The following MYO6 variants were observed in gnomAD, a reference collection of about 807,000 sequenced individuals.
MYO6 encodes unconventional myosin-VI.
A neutral mutation model predicts 178.7 loss-of-function variants in MYO6; 74 were observed. That is an observed-to-expected ratio of 0.41 (90% CI 0.34 to 0.50). The LOEUF (loss-of-function observed/expected upper bound fraction) is 0.50, where lower values mean the gene tolerates loss of function less well. MYO6 is among the 20% of genes least tolerant of loss of function. MYO6 has a pLI of 0.09. For missense variants in MYO6, 1,330 were observed against 1,547.4 expected, an observed-to-expected ratio of 0.86 and a Z score of 2.36; for synonymous variants, 477 against 504.6, an observed-to-expected ratio of 0.95 and a Z score of 0.73.
chr6:75,828,571 G>C lies in MYO6; in HGVS notation c.219G>C (p.Leu73=). ...TAATGTATTTAAATGAAGCCACACT[G>C]CTCCATAATATCAAAGTTCGATATA... ...CSLMYLNEAT[L]LHNIKVRYSK... Residue 73 remains leucine (L), a synonymous_variant, in exon 4 of 35, where the codon CTG becomes CTC. Coordinates refer to ENST00000369977, the MANE Select transcript of MYO6 (RefSeq NM_004999.4). 1.9e-6 allele frequency: 3 copies of C among 1,584,078 alleles called. No homozygotes were observed. The highest frequency in any genetic ancestry group is 2.2e-5 in the East Asian group (1 of 44,574).
chr6:75,903,614 T>A (rs1215313947), intron 30 of MYO6, among the ~76,000 whole-genome samples: 1 of 152,150 alleles, frequency 6.6e-6, no homozygotes, highest in African/African-American at 2.4e-5. Flanking sequence ...TTTGAGCCTA[T>A]GTGTGTCTCT....
At chr6:75,813,088 T>G (rs1466590334) in intron 1 of MYO6, among the ~76,000 whole-genome samples, 3 of 152,244 alleles carry the variant, frequency 2.0e-5, no homozygotes, top group Non-Finnish European at 4.4e-5. Flanking sequence ...GTGTACTTAC[T>G]ATTACCAGTG....
At chr6:75,844,320 A>G (rs1283005503) in intron 9 of MYO6, among the ~76,000 whole-genome samples, 1 of 152,148 alleles carries the variant, frequency 6.6e-6, no homozygotes, top group Non-Finnish European at 1.5e-5. Flanking sequence ...AATCACTGAA[A>G]TAAGAAAACT....
At position 75,907,794 on chromosome 6, in the gene MYO6, A is replaced by G. The variant is rs12193523; in HGVS notation, c.3280+86A>G. ...AGATTAGGGTGAGGTGTGTGTGTGTATGTGTGTGTGTGTGTGTGTGTGTAT... is the reference window on the plus strand; with the variant it reads ...AGATTAGGGTGAGGTGTGTGTGTGTGTGTGTGTGTGTGTGTGTGTGTGTAT... On this transcript the variant is annotated intron_variant, in intron 31 of 34. Coordinates refer to ENST00000369977, the MANE Select transcript of MYO6 (RefSeq NM_004999.4). 1.6e-3 allele frequency: 1,168 copies of G among 750,934 alleles called. 3 individuals are homozygous for G. Among genetic ancestry groups the G allele is most frequent in the African/African-American group, 7.1e-3 (411 of 57,702 alleles). The allele number at this position is 750,934 out of a possible 1,614,324, so 46.5% of individuals were successfully genotyped here. A position where few individuals can be genotyped will look rare whatever the true frequency, so the allele number is the denominator to read the frequency against.
At chr6:75,779,931 T>C (rs1766787493) in intron 1 of MYO6, among the ~76,000 whole-genome samples, 1 of 152,192 alleles carries the variant, frequency 6.6e-6, no homozygotes, top group Admixed American at 6.5e-5. Context: ...TGTTTTTATG[T>C]GTCCTTATTT....
At chr6:75,761,435 A>G (rs1036279191) in intron 1 of MYO6, among the ~76,000 whole-genome samples, 8 of 152,202 alleles carry the variant, frequency 5.3e-5, no homozygotes, top group African/African-American at 1.9e-4. Flanking sequence ...TTTTATAGGG[A>G]TGCATTCTAC....
At chr6:75,782,414 T>G (rs1767074070) in intron 1 of MYO6, among the ~76,000 whole-genome samples, 1 of 152,228 alleles carries the variant, frequency 6.6e-6, no homozygotes, top group African/African-American at 2.4e-5. Flanking sequence ...TTAATTCTTT[T>G]TTTTTGGAAG....
intron 16 of MYO6, among the ~76,000 whole-genome samples, chr6:75,863,181 A>T (rs528962292): frequency 8.7e-4 from 132 of 152,268 alleles, no homozygotes; most frequent in African/African-American, 3.0e-3. Context: ...TTGTGACCTT[A>T]ATCACATTCC....
chr6:75,880,646 A>C (rs1378445643), intron 22 of MYO6, among the ~76,000 whole-genome samples: 1 of 152,240 alleles, frequency 6.6e-6, no homozygotes, highest in African/African-American at 2.4e-5. Flanking sequence ...AGTCTCATAG[A>C]GAAAGCACTT....
At chr6:75,777,233 C>T (rs1450776310) in intron 1 of MYO6, among the ~76,000 whole-genome samples, 2 of 152,012 alleles carry the variant, frequency 1.3e-5, no homozygotes, top group African/African-American at 2.4e-5. Context: ...TCAGAATTTA[C>T]GCTTGTGTCT....
chr6:75,879,716 A>T, intron 20 of MYO6, 104 bp from the exon 21 acceptor site: 1 of 1,502,034 alleles, frequency 6.7e-7, no homozygotes, highest in Non-Finnish European at 9.3e-7. Flanking sequence ...AATTCTCATA[A>T]ATTGCCCGTT....
chr6:75,915,166 GT>G lies in MYO6; in HGVS notation c.*156del. 1 of 781,216 alleles carries G rather than the reference GT, an allele frequency of 1.3e-6. No homozygotes were observed. The highest frequency in any genetic ancestry group is 2.0e-6 in the Non-Finnish European group (1 of 488,928). 48.4% of individuals were successfully genotyped at this position (781,216 alleles called of 1,614,324 possible). A position where few individuals can be genotyped will look rare whatever the true frequency, so the allele number is the denominator to read the frequency against. ...ACGGCTTTTGGTGAATTTGTTTAAG[GT>G]TAATTATGGTAGCAAATTTTGGACC... is the stretch of plus-strand genomic sequence containing the variant. On this transcript the variant is annotated 3_prime_UTR_variant, in exon 35 of 35. Coordinates refer to ENST00000369977, the MANE Select transcript of MYO6 (RefSeq NM_004999.4).
chr6:75,817,624 C>T lies in MYO6; in HGVS notation c.77C>T (p.Pro26Leu). The change falls in exon 2 of 35, where the codon CCC becomes CTC. Residue 26 changes from proline to leucine, a missense_variant. This residue lies in a region of MYO6 where 116 missense variants were observed against 104.6 expected (regional missense o/e 1.11). Transcript: ENST00000369977. ...FQMGNIVDIG[P>L]DSLTIEPLNQ... is the part of the protein sequence containing the mutation. Reference sequence around the variant, plus strand: ...ATGGGCAATATTGTGGATATTGGCCCCGACAGCTTAACAATTGAACCCTTG... The same window carrying T: ...ATGGGCAATATTGTGGATATTGGCCTCGACAGCTTAACAATTGAACCCTTG... 1.2e-6 allele frequency: 2 copies of T among 1,614,060 alleles called. No individual in the cohort carries two copies. The highest frequency in any genetic ancestry group is 1.7e-6 in the Non-Finnish European group (2 of 1,180,018).
chr6:75,851,068 CA>C (rs976566547), intron 11 of MYO6, among the ~76,000 whole-genome samples: 4 of 151,002 alleles, frequency 2.6e-5, no homozygotes, highest in Admixed American at 2.6e-4. Flanking sequence ...GATTCTAACA[CA>C]AAAAAAAGTC....
rs758200740 is a variant in MYO6, at chr6:75,817,592, A to G, written c.45A>G (p.Gly15=). 57 of 1,614,076 alleles carry G rather than the reference A, an allele frequency of 3.5e-5. No homozygotes were observed. Among genetic ancestry groups the G allele is most frequent in the Non-Finnish European group, 4.7e-5 (55 of 1,180,038 alleles). Residue 15 remains glycine (G), a synonymous_variant, in exon 2 of 35, where the codon GGA becomes GGG. Coordinates refer to ENST00000369977, the MANE Select transcript of MYO6 (RefSeq NM_004999.4). ...TTTGGGCGCCACACCCTACAGATGG[A>G]TTTCAGATGGGCAATATTGTGGATA... ...KPVWAPHPTD[G]FQMGNIVDIG...
chr6:75,914,765 T>C lies in MYO6; in HGVS notation c.3659-48T>C, dbSNP rs1781022031. ...TTTCAGGCATACAACTGGTAAGAAA[T>C]GGTCCTGAAGAGAGAGATGGTAATT... On this transcript the variant is annotated intron_variant, in intron 34 of 34. Transcript: ENST00000369977. The C allele has an allele frequency of 9.6e-6, 15 of 1,566,832 alleles. No individual in the cohort carries two copies. In the East Asian group the frequency reaches 3.1e-4, roughly 33 times the overall value.
At position 75,817,565 on chromosome 6, in the gene MYO6, C is replaced by A. The variant is rs138024490; in HGVS notation, c.18C>A (p.Pro6=). The change falls in exon 2 of 35, where the codon CCC becomes CCA. Residue 6 remains proline, a synonymous_variant. Coordinates refer to ENST00000369977, the MANE Select transcript of MYO6 (RefSeq NM_004999.4). ...CTTCAAAAATGGAGGATGGAAAGCC[C>A]GTTTGGGCGCCACACCCTACAGATG... The part of the protein sequence containing the change: MEDGK[P]VWAPHPTDGF... The A allele has an allele frequency of 1.9e-6, 3 of 1,614,100 alleles. No individual in the cohort carries two copies. Among genetic ancestry groups the A allele is most frequent in the South Asian group, 2.2e-5 (2 of 91,080 alleles).
At chr6:75,871,881 T>A (rs145577599) in intron 19 of MYO6, among the ~76,000 whole-genome samples, 1 of 152,230 alleles carries the variant, frequency 6.6e-6, no homozygotes, top group African/African-American at 2.4e-5. Context: ...TCCCCAGCAC[T>A]TTGGGAAGGC....
Position 75,840,542 on chromosome 6 carries a change from C to T in MYO6, c.554-43C>T, listed in dbSNP as rs1333398186. On this transcript the variant is annotated intron_variant, in intron 7 of 34. Transcript: ENST00000369977. ...TATACCATGCATATTTTGTAATGTT[C>T]CGTCATGCTAATTTTTTGATGGATT... is the stretch of plus-strand genomic sequence containing the variant. The T allele has an allele frequency of 3.1e-6, 4 of 1,292,104 alleles. No individual in the cohort carries two copies. The Admixed American group carries it at 5.0e-5, about 16-fold the overall frequency. The allele number at this position is 1,292,104 out of a possible 1,614,324, so 80.0% of individuals were successfully genotyped here.
Sources: gnomAD v4.1 joint callset for allele counts (sites outside exome capture counted in the v4.1 genomes callset) on GRCh38, gnomAD v4.1.1 for gene constraint, gnomAD v4.1.1 regional missense constraint, MANE v1.5 for transcripts, NCBI Gene and HGNC (gene_info 2026-07-23, HGNC 2026-07-21) for gene names.